Variants in LRRC8E observed in about 807,000 individuals in gnomAD.
LRRC8E encodes volume-regulated anion channel subunit LRRC8E.
Under a neutral mutation model 6.1 loss-of-function variants are expected in LRRC8E, and 6 were observed. That is an observed-to-expected ratio of 0.98 (90% CI 0.54 to 1.93). The LOEUF is 1.93. LRRC8E is among the 30% of genes most tolerant of loss of function. The pLI is 0.01. For missense variants in LRRC8E, 1,028 were observed against 1,031.4 expected, an observed-to-expected ratio of 1.00 and a Z score of 0.04; for synonymous variants, 485 against 472.8, an observed-to-expected ratio of 1.03 and a Z score of -0.33.
intron 1 of LRRC8E, among the ~76,000 whole-genome samples, chr19:7,890,057 T>TA (rs113067182): frequency 0.18 from 25,052 of 142,598 alleles, 2,452 homozygotes; most frequent in Non-Finnish European, 0.23. Context: ...ACTCTATGTC[T>TA]AAAAAAAAAA....
chr19:7,896,608 TAAAG>T (rs1981610056), intron 2 of LRRC8E, among the ~76,000 whole-genome samples: 1 of 151,648 alleles, frequency 6.6e-6, no homozygotes, highest in African/African-American at 2.4e-5. Flanking sequence ...AAAATTAAAA[TAAAG>T]AAACACGGTC....
In LRRC8E at chr19:7,895,864, C is replaced by T. The variant is rs1981560334; in HGVS notation, c.138+123C>T. On this transcript the variant is annotated intron_variant, in intron 2 of 2. Transcript: ENST00000306708. This position sits in a 1 kb window ranked among gnomAD's most constrained non-coding sequence, Gnocchi z 4.7. ...CTGAAGACAGAGCCCCACTCAAAGGCCAATCCAGACCCCTTATCTTCCTTA... is the reference window on the plus strand; with the variant it reads ...CTGAAGACAGAGCCCCACTCAAAGGTCAATCCAGACCCCTTATCTTCCTTA... 1.7e-6 allele frequency: 2 copies of T among 1,193,148 alleles called. No homozygotes were observed. Among genetic ancestry groups the T allele is most frequent in the Non-Finnish European group, 1.2e-6 (1 of 852,334 alleles). 73.9% of individuals were successfully genotyped at this position (1,193,148 alleles called of 1,614,324 possible). A position where few individuals can be genotyped will look rare whatever the true frequency, so the allele number is the denominator to read the frequency against.
rs776821784 is a variant in LRRC8E at position 7,895,572 on chromosome 19, C to CA, written c.-5-26dup. ...CTCCCATCCTGAGGGTCTCTCTCTA[C>CA]ACCCCCCGTCTCGTCCCGTCCCACA... On this transcript the variant is annotated intron_variant, in intron 1 of 2. Transcript: ENST00000306708. This position sits in a 1 kb window ranked among gnomAD's most constrained non-coding sequence, Gnocchi z 4.7. The CA allele has an allele frequency of 6.2e-7, 1 of 1,602,896 alleles. No homozygotes were observed. Among genetic ancestry groups the CA allele is most frequent in the South Asian group, 1.1e-5 (1 of 90,766 alleles).
rs1981735385 is a variant in LRRC8E, at chr19:7,898,668, A to G, written c.146A>G (p.Gln49Arg). The G allele has an allele frequency of 6.2e-7, 1 of 1,600,106 alleles. No homozygotes were observed. Among genetic ancestry groups the G allele is most frequent in the South Asian group, 1.1e-5 (1 of 90,224 alleles). Residue 49 changes from glutamine to arginine, a missense_variant, in exon 3 of 3, where the codon CAG becomes CGG. By Grantham distance (43) the Gln-to-Arg change is conservative. Transcript: ENST00000306708. ...GVFGCTLQVT[Q>R]DKIICLPNHE... ...TTCTCTTTTGCTCCTCAGGTGACACAGGACAAGATCATCTGTCTACCCAAT... is the reference window on the plus strand; with the variant it reads ...TTCTCTTTTGCTCCTCAGGTGACACGGGACAAGATCATCTGTCTACCCAAT...
At position 7,900,768 on chromosome 19, in the gene LRRC8E, G is replaced by C; in HGVS notation, c.2246G>C (p.Arg749Pro). 6.2e-7 allele frequency: 1 copy of C among 1,610,402 alleles called. No homozygotes were observed. The highest frequency in any genetic ancestry group is 8.5e-7 in the Non-Finnish European group (1 of 1,178,174). ...PHVGALRALS[R>P]LELKGNRLEA... ...GTGGGTGCCCTCAGAGCCCTCAGCC[G>C]CCTGGAGCTCAAAGGCAACCGCTTA... The change falls in exon 3 of 3, where the codon CGC (arginine) becomes CCC (proline). Residue 749 changes from arginine (R) to proline (P), a missense_variant. Coordinates refer to ENST00000306708, the MANE Select transcript of LRRC8E (RefSeq NM_025061.6). This position sits in a 1 kb window ranked among gnomAD's most constrained non-coding sequence, Gnocchi z 5.0.
chr19:7,900,557 C>G lies in LRRC8E; in HGVS notation c.2035C>G (p.Arg679Gly). 4.3e-6 allele frequency: 7 copies of G among 1,613,166 alleles called. No homozygotes were observed. The highest frequency in any genetic ancestry group is 5.9e-6 in the Non-Finnish European group (7 of 1,180,034). ...PSQLGLCSGLRLLDVSHNGLH... is the reference protein window; with the variant it reads ...PSQLGLCSGLGLLDVSHNGLH... ...CCAGCTCGGCCTGTGCTCAGGCCTC[C>G]GTCTGCTGGATGTGTCCCACAATGG... Residue 679 changes from arginine to glycine, a missense_variant, in exon 3 of 3, where the codon CGT becomes GGT. Transcript: ENST00000306708. The surrounding 1 kb of genome is among the most constrained non-coding windows in gnomAD (Gnocchi z 5.0).
In LRRC8E at chr19:7,895,960, C is replaced by T. The variant is rs777212730; in HGVS notation, c.138+219C>T. 8.5e-5 allele frequency among the ~76,000 whole-genome samples: 13 copies of T among 152,204 alleles called. No individual in the cohort carries two copies. The highest frequency in any genetic ancestry group is 7.2e-4 in the Admixed American group (11 of 15,290). ...CCATATCTTTTTTTCTTTTTTGAGA[C>T]GGAGTCTCACTCTGTCACCCAGGCT... On this transcript the variant is annotated intron_variant, in intron 2 of 2. Coordinates refer to ENST00000306708, the MANE Select transcript of LRRC8E (RefSeq NM_025061.6). This position sits in a 1 kb window ranked among gnomAD's most constrained non-coding sequence, Gnocchi z 4.7.
chr19:7,889,638 G>A (rs1158489064), intron 1 of LRRC8E, among the ~76,000 whole-genome samples: 1 of 151,970 alleles, frequency 6.6e-6, no homozygotes, highest in African/African-American at 2.4e-5. Flanking sequence ...AGCTACTGGG[G>A]AGGCTGAGGC....
In LRRC8E at chr19:7,892,421, G is replaced by A. The variant is rs570578277; in HGVS notation, c.-5-3178G>A. Among the ~76,000 whole-genome samples the A allele has an allele frequency of 3.0e-4, 46 of 151,392 alleles. No homozygotes were observed. In the East Asian group the frequency reaches 8.8e-3, roughly 29 times the overall value. ...AATGGGGTCTGACTATGTTGTCCTGGCTGCTCAAACTCCTGGGCTCAAGCA... is the reference window on the plus strand; with the variant it reads ...AATGGGGTCTGACTATGTTGTCCTGACTGCTCAAACTCCTGGGCTCAAGCA... On this transcript the variant is annotated intron_variant, in intron 1 of 2. Transcript: ENST00000306708.
intron 2 of LRRC8E, among the ~76,000 whole-genome samples, chr19:7,896,296 G>T (rs1002371792): frequency 6.7e-6 from 1 of 149,718 alleles, no homozygotes; most frequent in Non-Finnish European, 1.5e-5. Flanking sequence ...GACAGGGGCC[G>T]GGCATGGTGG....
In LRRC8E at chr19:7,901,377, TTA is replaced by T. The variant is rs1049183930; in HGVS notation, c.*468_*469del. On this transcript the variant is annotated 3_prime_UTR_variant, in exon 3 of 3. Coordinates refer to ENST00000306708, the MANE Select transcript of LRRC8E (RefSeq NM_025061.6). Reference sequence around the variant, plus strand: ...GACACAGACACAGTTGTTTGCTGTGTTATATGTTAGCTCCGAACAATGGTTCT... The same window carrying T: ...GACACAGACACAGTTGTTTGCTGTGTTATGTTAGCTCCGAACAATGGTTCT... 6.4e-6 allele frequency: 1 copy of T among 155,270 alleles called. No individual in the cohort carries two copies. The highest frequency in any genetic ancestry group is 2.4e-5 in the African/African-American group (1 of 41,498). 9.6% of individuals were successfully genotyped at this position (155,270 alleles called of 1,614,324 possible).
chr19:7,898,705 G>A lies in LRRC8E; in HGVS notation c.183G>A (p.Gln61=). ...KIICLPNHEL[Q]ENLSEAPCQQ... ...TCTGTCTACCCAATCATGAGCTCCA[G>A]GAGAACTTATCAGAGGCCCCGTGCC... Residue 61 remains glutamine (Q), a synonymous_variant, in exon 3 of 3, where the codon CAG becomes CAA. Coordinates refer to ENST00000306708, the MANE Select transcript of LRRC8E (RefSeq NM_025061.6). 2.5e-6 allele frequency: 4 copies of A among 1,613,474 alleles called. No individual in the cohort carries two copies. In the South Asian group the frequency reaches 3.3e-5, roughly 13 times the overall value.
chr19:7,901,032 G>A lies in LRRC8E; in HGVS notation c.*119G>A. The A allele has an allele frequency of 1.6e-6, 1 of 625,182 alleles. No individual in the cohort carries two copies. Among genetic ancestry groups the A allele is most frequent in the Non-Finnish European group, 2.6e-6 (1 of 388,574 alleles). 38.7% of individuals were successfully genotyped at this position (625,182 alleles called of 1,614,324 possible). A position where few individuals can be genotyped will look rare whatever the true frequency, so the allele number is the denominator to read the frequency against. On this transcript the variant is annotated 3_prime_UTR_variant, in exon 3 of 3. Transcript: ENST00000306708. The stretch of plus-strand genomic sequence containing the variant: ...CAGGCCAGGAGATGGGGGGGGCGGG[G>A]GCAGCTGTGTCATCTTTCTGGGGCC...
At chr19:7,897,932 C>T (rs976315543) in intron 2 of LRRC8E, among the ~76,000 whole-genome samples, 3 of 152,066 alleles carry the variant, frequency 2.0e-5, no homozygotes, top group Non-Finnish European at 4.4e-5. Context: ...AGTGCTTTGT[C>T]AGTTGTGGTG....
At chr19:7,892,731 C>T (rs1049435508) in intron 1 of LRRC8E, among the ~76,000 whole-genome samples, 14 of 152,158 alleles carry the variant, frequency 9.2e-5, no homozygotes, top group Non-Finnish European at 1.6e-4. Flanking sequence ...ATATTCTTCC[C>T]CTGGGGACAG....
rs1001327798 is a variant in LRRC8E, at chr19:7,895,338, A to C, written c.-5-261A>C. Reference sequence around the variant, plus strand: ...TGGACTATCCCTCATGTGCTCTTCGAGGTCAGACAAGTCAGATCAGGTGCA... The same window carrying C: ...TGGACTATCCCTCATGTGCTCTTCGCGGTCAGACAAGTCAGATCAGGTGCA... On this transcript the variant is annotated intron_variant, in intron 1 of 2. Transcript: ENST00000306708. The surrounding 1 kb of genome is among the most constrained non-coding windows in gnomAD (Gnocchi z 4.7). 4 of 460,672 alleles carry C rather than the reference A, an allele frequency of 8.7e-6. No homozygotes were observed. Among genetic ancestry groups the C allele is most frequent in the Non-Finnish European group, 1.6e-5 (4 of 248,326 alleles). 28.5% of individuals were successfully genotyped at this position (460,672 alleles called of 1,614,324 possible). A position where few individuals can be genotyped will look rare whatever the true frequency, so the allele number is the denominator to read the frequency against.
intron 2 of LRRC8E, among the ~76,000 whole-genome samples, chr19:7,896,466 T>C (rs1159829218): frequency 4.6e-5 from 7 of 151,246 alleles, no homozygotes; most frequent in Admixed American, 2.0e-4. Context: ...CCCAGCTACT[T>C]GGAAGGCTGA....
intron 2 of LRRC8E, among the ~76,000 whole-genome samples, chr19:7,898,217 C>CCA (rs555459248): frequency 7.8e-6 from 1 of 127,472 alleles, no homozygotes; most frequent in Admixed American, 8.1e-5. Flanking sequence ...AAAAAAAAAC[C>CCA]AAAAAAAAAA....
At chr19:7,896,030 C>G (rs964191869) in intron 2 of LRRC8E, among the ~76,000 whole-genome samples, 1 of 152,072 alleles carries the variant, frequency 6.6e-6, no homozygotes, top group Non-Finnish European at 1.5e-5. Context: ...ATCTGCCTCC[C>G]GGGTACAAGC....
Sources: allele counts gnomAD v4.1 joint callset (sites outside exome capture counted in the v4.1 genomes callset), GRCh38; gene constraint gnomAD v4.1.1; non-coding constraint Gnocchi (gnomAD v3.1); transcripts MANE v1.5; gene names NCBI Gene and HGNC (gene_info 2026-07-23, HGNC 2026-07-21).